Variants in C1orf159 observed in about 807,000 individuals in gnomAD.
C1orf159 encodes the protein chromosome 1 open reading frame 159.
Under a neutral mutation model 25.6 loss-of-function variants are expected in C1orf159, and 19 were observed. The ratio of observed to expected loss-of-function variants is 0.74; its 90% CI spans 0.52 to 1.09. The LOEUF is 1.09. Ranked by LOEUF, C1orf159 falls within the 50% of genes least tolerant of loss-of-function variation. C1orf159 has a pLI of 0.00. For synonymous variants in C1orf159, 139 were observed against 124.7 expected, an observed-to-expected ratio of 1.12 and a Z score of -0.77; for missense variants, 274 against 290.6, an observed-to-expected ratio of 0.94 and a Z score of 0.42.
intron 6 of C1orf159, among the ~76,000 whole-genome samples, chr1:1,086,574 CGT>C (rs1219140242): frequency 6.6e-6 from 1 of 152,234 alleles, no homozygotes; most frequent in Non-Finnish European, 1.5e-5. Context: ...GAGACACAGG[CGT>C]GTTTGCCAGG....
chr1:1,091,276 AC>A lies in C1orf159; in HGVS notation c.72+195del, dbSNP rs1218263125. ...CCCAGCCATTCCTGAGCAGGCGCTC[AC>A]CCAGCAGGCAGCGGAGGGCTCCCCT... On this transcript the variant is annotated intron_variant, in intron 3 of 9. Transcript: ENST00000421241. The A allele has an allele frequency of 4.4e-6, 3 of 682,168 alleles. No individual in the cohort carries two copies. In the Admixed American group the frequency reaches 7.9e-5, roughly 18 times the overall value. The allele number at this position is 682,168 out of a possible 1,614,324, so 42.3% of individuals were successfully genotyped here. A position where few individuals can be genotyped will look rare whatever the true frequency, so the allele number is the denominator to read the frequency against.
chr1:1,091,331 G>A (rs1319620772), intron 3 of C1orf159, 141 bp downstream of exon 3: 4 of 836,068 alleles, frequency 4.8e-6, no homozygotes, highest in Non-Finnish European at 7.9e-6. Context: ...TCTGACCCCA[G>A]CAGTGGACCT....
chr1:1,091,537 G>A lies in C1orf159; in HGVS notation c.7C>T (p.Leu3=). Residue 3 remains leucine (L), a synonymous_variant, in exon 3 of 10, where the codon CTG becomes TTG. Coordinates refer to ENST00000421241, the MANE Select transcript of C1orf159 (RefSeq NM_017891.5). ...CCAGCCAGGAGGGCGAGGTGCCGCA[G>A]CGCCATGCCAGGAGCAGATGCGCAG... MA[L]RHLALLAGLL... 1 of 1,549,476 alleles carries A rather than the reference G, an allele frequency of 6.5e-7. No homozygotes were observed. The highest frequency in any genetic ancestry group is 8.7e-7 in the Non-Finnish European group (1 of 1,146,846).
intron 9 of C1orf159, chr1:1,083,789 C>T: frequency 1.2e-6 from 1 of 862,794 alleles, no homozygotes; most frequent in Non-Finnish European, 1.8e-6. Context: ...TCACCTGCCC[C>T]CATGACAGAC....
chr1:1,112,219 T>C (rs1428955291), intron 1 of C1orf159, among the ~76,000 whole-genome samples: 1 of 152,196 alleles, frequency 6.6e-6, no homozygotes, highest in African/African-American at 2.4e-5. Context: ...AATCCGGTGA[T>C]GGGCAGCTTC....
Position 1,108,888 on chromosome 1 carries a change from C to T in C1orf159, c.-136+7172G>A, listed in dbSNP as rs915807952. Among the ~76,000 whole-genome samples the T allele has an allele frequency of 1.3e-4, 14 of 110,750 alleles. 3 individuals carry two copies. Among genetic ancestry groups the T allele is most frequent in the African/African-American group, 6.0e-4 (12 of 19,994 alleles). The allele number at this position is 110,750 out of a possible 152,430, so 72.7% of individuals were successfully genotyped here. A position where few individuals can be genotyped will look rare whatever the true frequency, so the allele number is the denominator to read the frequency against. On this transcript the variant is annotated intron_variant, in intron 1 of 9. Coordinates refer to ENST00000421241, the MANE Select transcript of C1orf159 (RefSeq NM_017891.5). The stretch of plus-strand genomic sequence containing the variant: ...GCCACCATGTCTCAGCAGCACCGTC[C>T]ACCACAGCCACCATGTCTCGGCAGC...
chr1:1,101,929 G>C (rs529658765), intron 1 of C1orf159, among the ~76,000 whole-genome samples: 1 of 151,594 alleles, frequency 6.6e-6, no homozygotes, highest in East Asian at 1.9e-4. Flanking sequence ...AAAATTAATC[G>C]GGCATGGTGG....
Position 1,087,722 on chromosome 1 carries a change from G to A in C1orf159, c.149-125C>T, listed in dbSNP as rs1645854319. The stretch of plus-strand genomic sequence containing the variant: ...ATTCCAGATACTAACATGCTCTGGA[G>A]GGTAGGTGGGCGGCAGACAAGGACA... On this transcript the variant is annotated intron_variant, in intron 4 of 9. Transcript: ENST00000421241. This position sits in a 1 kb window ranked among gnomAD's most constrained non-coding sequence, Gnocchi z 8.3. 1.1e-5 allele frequency: 8 copies of A among 754,870 alleles called. No individual in the cohort carries two copies. Among genetic ancestry groups the A allele is most frequent in the Non-Finnish European group, 1.7e-5 (8 of 466,900 alleles). The allele number at this position is 754,870 out of a possible 1,614,324, so 46.8% of individuals were successfully genotyped here. A position where few individuals can be genotyped will look rare whatever the true frequency, so the allele number is the denominator to read the frequency against.
chr1:1,111,719 G>A (rs967462762), intron 1 of C1orf159, among the ~76,000 whole-genome samples: 1 of 152,198 alleles, frequency 6.6e-6, no homozygotes, highest in South Asian at 2.1e-4. Context: ...AGGGGAGGCG[G>A]GAGGGTCCAC....
rs1402174854 is a variant in C1orf159 at position 1,090,341 on chromosome 1, A to G, written c.148+12T>C. The G allele has an allele frequency of 6.5e-7, 1 of 1,550,332 alleles. No homozygotes were observed. Among genetic ancestry groups the G allele is most frequent in the Non-Finnish European group, 8.7e-7 (1 of 1,146,846 alleles). On this transcript the variant is annotated intron_variant, in intron 4 of 9. Transcript: ENST00000421241. Reference sequence around the variant, plus strand: ...GGCCGGTCTGGAATCTGCTTGGGACAAAGCGGCTTACCTGGACCACACAGA... The same window carrying G: ...GGCCGGTCTGGAATCTGCTTGGGACGAAGCGGCTTACCTGGACCACACAGA...
chr1:1,097,646 C>T (rs1646028380), intron 1 of C1orf159, among the ~76,000 whole-genome samples: 1 of 140,086 alleles, frequency 7.1e-6, no homozygotes, highest in Non-Finnish European at 1.5e-5. Context: ...TGGTCTTAAA[C>T]TCCTGGGTTC....
chr1:1,099,949 T>C (rs1449472731), intron 1 of C1orf159, among the ~76,000 whole-genome samples: 1 of 109,362 alleles, frequency 9.1e-6, no homozygotes, highest in East Asian at 2.4e-4. Flanking sequence ...TTGTGTTTTT[T>C]ATATTTAAAG....
chr1:1,090,541 G>T (rs752556018), intron 3 of C1orf159, 113 bp from the exon 4 acceptor site: 8 of 1,119,160 alleles, frequency 7.1e-6, no homozygotes, highest in East Asian at 2.6e-5. Flanking sequence ...CCGCAGCTCC[G>T]GCCTCTTCTG....
At chr1:1,090,587 C>T (rs1645913341) in intron 3 of C1orf159, 159 bp from the exon 4 acceptor site, 2 of 791,002 alleles carry the variant, frequency 2.5e-6, no homozygotes, top group East Asian at 5.3e-5. Flanking sequence ...CCCCTGTGGG[C>T]CTGGGAGCAA....
intron 1 of C1orf159, among the ~76,000 whole-genome samples, chr1:1,097,878 T>C (rs974842787): frequency 1.3e-5 from 2 of 152,162 alleles, no homozygotes; most frequent in African/African-American, 4.8e-5. Context: ...TTTATTTCCC[T>C]TTTTTGGCTT....
At chr1:1,107,726 C>G (rs570921992) in intron 1 of C1orf159, among the ~76,000 whole-genome samples, 10 of 152,330 alleles carry the variant, frequency 6.6e-5, no homozygotes, top group African/African-American at 2.2e-4. Context: ...CCGGAGCCAG[C>G]AGCAGCAACC....
At chr1:1,088,844 G>A (rs1645879295) in intron 4 of C1orf159, among the ~76,000 whole-genome samples, 1 of 152,096 alleles carries the variant, frequency 6.6e-6, no homozygotes, top group Admixed American at 6.5e-5. Flanking sequence ...GTTGTGACAG[G>A]GGTCACTCTG....
chr1:1,098,871 C>G (rs1171527472), intron 1 of C1orf159, among the ~76,000 whole-genome samples: 3 of 152,192 alleles, frequency 2.0e-5, no homozygotes, highest in Non-Finnish European at 4.4e-5. Context: ...CTCGGGCTCC[C>G]AAAGTGCCTG....
Position 1,087,253 on chromosome 1 carries a change from G to A in C1orf159, c.245-49C>T. 6.5e-7 allele frequency: 1 copy of A among 1,535,202 alleles called. No individual in the cohort carries two copies. Among genetic ancestry groups the A allele is most frequent in the Non-Finnish European group, 8.8e-7 (1 of 1,133,184 alleles). ...AAGCCTGTGTGCACGGAGCCCACGG[G>A]GACACCCACGTGCACCCTGAAGGGA... On this transcript the variant is annotated intron_variant, in intron 5 of 9. Coordinates refer to ENST00000421241, the MANE Select transcript of C1orf159 (RefSeq NM_017891.5). The surrounding 1 kb of genome is among the most constrained non-coding windows in gnomAD (Gnocchi z 8.3).
Sources: gnomAD v4.1 joint callset for allele counts (sites outside exome capture counted in the v4.1 genomes callset) on GRCh38, gnomAD v4.1.1 for gene constraint, Gnocchi (gnomAD v3.1) non-coding constraint, MANE v1.5 for transcripts, NCBI Gene and HGNC (gene_info 2026-07-23, HGNC 2026-07-21) for gene names.